DIPK1C: variants seen among roughly 807,000 people sequenced by gnomAD.
The protein encoded by DIPK1C is familial non-conventional Alzheimer's dementia.
A neutral mutation model predicts 28.0 loss-of-function variants in DIPK1C; 33 were observed. The ratio of observed to expected loss-of-function variants is 1.18; its 90% CI spans 0.89 to 1.58. The LOEUF is 1.58. DIPK1C is among the 40% of genes most tolerant of loss of function. The pLI, the probability that DIPK1C is intolerant of heterozygous loss-of-function variation, is 0.00. For synonymous variants in DIPK1C, 255 were observed against 248.8 expected (o/e 1.02, Z -0.23); for missense variants, 569 against 568.5 (o/e 1.00, Z -0.01).
At chr18:74,442,861 T>C (rs1482931692) in intron 2 of DIPK1C, among the ~76,000 whole-genome samples, 3 of 152,198 alleles carry the variant, frequency 2.0e-5, no homozygotes, top group African/African-American at 7.2e-5. Context: ...GATTCAGGAC[T>C]GTAAAAGCTG....
rs1274680753 is a variant in DIPK1C at position 74,457,246 on chromosome 18, G to T, written c.14C>A (p.Ala5Glu). ...CCACCCGGCAGGGCCCCGCGCGCCC[G>T]CCGCCCGCGCCATGGCCAGCCCTGC... MARA[A>E]GARGPAGWCR... The change falls in exon 1 of 4, where the codon GCG becomes GAG. Residue 5 changes from alanine to glutamate, a missense_variant. Physicochemically the swap from Ala to Glu is moderately radical, Grantham distance 107. Transcript: ENST00000343998. The T allele has an allele frequency of 2.0e-6, 2 of 1,004,952 alleles. No individual in the cohort carries two copies. The highest frequency in any genetic ancestry group is 2.4e-6 in the Non-Finnish European group (2 of 844,706). 62.3% of individuals were successfully genotyped at this position (1,004,952 alleles called of 1,614,324 possible). A position where few individuals can be genotyped will look rare whatever the true frequency, so the allele number is the denominator to read the frequency against.
At chr18:74,437,764 C>T (rs1018133846) in intron 3 of DIPK1C, among the ~76,000 whole-genome samples, 3 of 152,196 alleles carry the variant, frequency 2.0e-5, no homozygotes, top group South Asian at 4.1e-4. Flanking sequence ...GCTCAGCTCC[C>T]GCTCTGAGAA....
chr18:74,454,690 C>G (rs28421191), intron 1 of DIPK1C, among the ~76,000 whole-genome samples: 138 of 152,314 alleles, frequency 9.1e-4, no homozygotes, highest in African/African-American at 3.2e-3. Context: ...AGGCTCAATT[C>G]AGTTCAAGTC....
intron 3 of DIPK1C, among the ~76,000 whole-genome samples, chr18:74,438,574 A>C (rs968204156): frequency 6.6e-6 from 1 of 152,166 alleles, no homozygotes; most frequent in African/African-American, 2.4e-5. Flanking sequence ...GTGGGTGAAA[A>C]TGGTTTAATT....
intron 3 of DIPK1C, among the ~76,000 whole-genome samples, chr18:74,441,651 C>T (rs1434742995): frequency 2.0e-5 from 3 of 152,084 alleles, no homozygotes; most frequent in African/African-American, 7.2e-5. Context: ...TGTATGTGCC[C>T]ATGTTTATGA....
chr18:74,455,574 T>G (rs755236253), intron 1 of DIPK1C, among the ~76,000 whole-genome samples: 37 of 152,126 alleles, frequency 2.4e-4, no homozygotes, highest in Non-Finnish European at 4.6e-4. Flanking sequence ...GCGGATCGCC[T>G]GAGGTTGGGA....
At chr18:74,439,733 T>C (rs201461857) in intron 3 of DIPK1C, among the ~76,000 whole-genome samples, 1 of 152,128 alleles carries the variant, frequency 6.6e-6, no homozygotes, top group African/African-American at 2.4e-5. Flanking sequence ...GGTGAGAGGA[T>C]CACTTGAGCC....
chr18:74,445,124 G>A (rs1470019357), intron 2 of DIPK1C, among the ~76,000 whole-genome samples: 5 of 152,208 alleles, frequency 3.3e-5, no homozygotes, highest in South Asian at 2.1e-4. Context: ...ACTGAGTGGC[G>A]AGAACTGGCC....
At chr18:74,461,305 C>T (rs1012251516), upstream of DIPK1C, among the ~76,000 whole-genome samples, 14 of 151,884 alleles carry the variant, frequency 9.2e-5, no homozygotes, top group Non-Finnish European at 1.8e-4. Context: ...CATGCCTCCT[C>T]TCTTTTCTTT....
rs531715752 is a variant in DIPK1C at position 74,441,447 on chromosome 18, C to G, written c.1041+505G>C. Among the ~76,000 whole-genome samples the G allele has an allele frequency of 1.1e-4, 16 of 152,294 alleles. No individual in the cohort carries two copies. The South Asian group carries it at 3.3e-3, about 32-fold the overall frequency. ...ACCCGCCAGCTCTGAATGCCTGAAC[C>G]CTGTATGTATTCCACTTGTAGCTGA... On this transcript the variant is annotated intron_variant, in intron 3 of 3. Coordinates refer to ENST00000343998, the MANE Select transcript of DIPK1C (RefSeq NM_001044369.3).
chr18:74,449,626 G>A (rs952530233), intron 1 of DIPK1C, among the ~76,000 whole-genome samples: 6 of 152,186 alleles, frequency 3.9e-5, no homozygotes, highest in Non-Finnish European at 7.3e-5. Flanking sequence ...CGGGGATGAG[G>A]GGGGTCTTGC....
chr18:74,442,519 C>G (rs189625463), intron 2 of DIPK1C, among the ~76,000 whole-genome samples: 1 of 152,046 alleles, frequency 6.6e-6, no homozygotes, highest in South Asian at 2.1e-4. Flanking sequence ...TTAGTAGAGA[C>G]GGGGTTTCAC....
At chr18:74,442,158 G>A (rs1190468345) in intron 2 of DIPK1C, 42 bp from the exon 3 acceptor site, 1 of 1,608,164 alleles carries the variant, frequency 6.2e-7, no homozygotes, top group Non-Finnish European at 8.5e-7. Context: ...GGCTACTGGT[G>A]GGCTCTGCAG....
At chr18:74,451,548 G>A (rs1226249168) in intron 1 of DIPK1C, among the ~76,000 whole-genome samples, 3 of 152,208 alleles carry the variant, frequency 2.0e-5, no homozygotes, top group African/African-American at 4.8e-5. Context: ...TTTGGAGGGC[G>A]ATTCCAAACA....
upstream of DIPK1C, chr18:74,457,418 G>A (rs944140543): frequency 1.1e-5 from 5 of 445,442 alleles, no homozygotes; most frequent in Middle Eastern, 1.1e-3. Context: ...CGGAGGTGCG[G>A]GGAGGGCGTC....
At chr18:74,458,547 G>A (rs932817541), upstream of DIPK1C, among the ~76,000 whole-genome samples, 1 of 145,160 alleles carries the variant, frequency 6.9e-6, no homozygotes, top group African/African-American at 2.6e-5. Context: ...CAAACCCTGA[G>A]CCCCAAGAAG....
chr18:74,451,093 G>A (rs1026741932), intron 1 of DIPK1C, among the ~76,000 whole-genome samples: 2 of 152,200 alleles, frequency 1.3e-5, no homozygotes, highest in East Asian at 1.9e-4. Flanking sequence ...TGGGGGAGAC[G>A]CCTCTGAGCT....
At chr18:74,460,662 G>A (rs895444538), upstream of DIPK1C, among the ~76,000 whole-genome samples, 6 of 152,192 alleles carry the variant, frequency 3.9e-5, no homozygotes, top group African/African-American at 9.7e-5. Flanking sequence ...CGGGACATAG[G>A]AAAGATACAG....
intron 2 of DIPK1C, 55 bp from the exon 3 acceptor site, chr18:74,442,171 A>G: frequency 6.3e-7 from 1 of 1,598,794 alleles, no homozygotes; most frequent in Non-Finnish European, 8.5e-7. Flanking sequence ...CTCTGCAGAG[A>G]GGGAGCCTGT....
Sources: gnomAD v4.1 joint callset for allele counts (sites outside exome capture counted in the v4.1 genomes callset) on GRCh38, gnomAD v4.1.1 for gene constraint, MANE v1.5 for transcripts, NCBI Gene and HGNC (gene_info 2026-07-23, HGNC 2026-07-21) for gene names.